Variants in KLHL26 observed in about 807,000 individuals in gnomAD.
KLHL26 encodes kelch-like protein 26.
KLHL26 carries 4 observed loss-of-function variants against 7.1 expected under a neutral mutation model. The observed-to-expected ratio is 0.56, with a 90% CI of 0.28 to 1.28. The LOEUF (loss-of-function observed/expected upper bound fraction) is 1.28, where lower values mean the gene tolerates loss of function less well. KLHL26 is among the 50% of genes most tolerant of loss of function. KLHL26 has a pLI of 0.11. For missense variants in KLHL26, 896 were observed against 924.6 expected, an observed-to-expected ratio of 0.97 and a Z score of 0.40; for synonymous variants, 465 against 414.1, an observed-to-expected ratio of 1.12 and a Z score of -1.49.
At chr19:18,643,477 C>T (rs1338847588) in intron 1 of KLHL26, among the ~76,000 whole-genome samples, 4 of 151,372 alleles carry the variant, frequency 2.6e-5, no homozygotes, top group African/African-American at 7.3e-5. Context: ...GAGATGGGGT[C>T]TTATTATTAT....
intron 1 of KLHL26, among the ~76,000 whole-genome samples, chr19:18,640,386 C>T (rs925170658): frequency 4.6e-5 from 7 of 151,798 alleles, no homozygotes; most frequent in Middle Eastern, 6.8e-3. Context: ...ACTACAAGGG[C>T]GTATGCCACC....
chr19:18,638,449 G>A (rs1400737038), intron 1 of KLHL26, among the ~76,000 whole-genome samples: 1 of 152,220 alleles, frequency 6.6e-6, no homozygotes, highest in African/African-American at 2.4e-5. Context: ...TCTGCCAGAG[G>A]GGCCATGGGG....
At chr19:18,663,614 T>C (rs1252653393) in intron 1 of KLHL26, among the ~76,000 whole-genome samples, 1 of 151,754 alleles carries the variant, frequency 6.6e-6, no homozygotes, top group African/African-American at 2.4e-5. Context: ...CCGGTGGGGG[T>C]GGGGGTCTTA....
intron 1 of KLHL26, among the ~76,000 whole-genome samples, chr19:18,653,330 C>T (rs1263911856): frequency 1.3e-5 from 2 of 151,438 alleles, no homozygotes; most frequent in East Asian, 3.9e-4. Context: ...GTTCACCCAC[C>T]CACCTGACCA....
At position 18,649,727 on chromosome 19, in the gene KLHL26, C is replaced by T. The variant is rs932535561; in HGVS notation, c.83+12590C>T. ...GCTGTGCGGACCAGCTCTCTTAACACTTGTTAACCCCAGCCTCCAGTCCCT... is the reference window on the plus strand; with the variant it reads ...GCTGTGCGGACCAGCTCTCTTAACATTTGTTAACCCCAGCCTCCAGTCCCT... On this transcript the variant is annotated intron_variant, in intron 1 of 2. Transcript: ENST00000300976. This position sits in a 1 kb window ranked among gnomAD's most constrained non-coding sequence, Gnocchi z 4.0. Among the ~76,000 whole-genome samples the T allele has an allele frequency of 2.6e-5, 4 of 152,220 alleles. No homozygotes were observed. The highest frequency in any genetic ancestry group is 9.6e-5 in the African/African-American group (4 of 41,452).
At chr19:18,640,916 A>G (rs976345467) in intron 1 of KLHL26, among the ~76,000 whole-genome samples, 7 of 152,234 alleles carry the variant, frequency 4.6e-5, no homozygotes, top group Admixed American at 4.6e-4. Flanking sequence ...AGCAATGTTC[A>G]AGAGTTCCAG....
chr19:18,662,787 A>G (rs1157992136), intron 1 of KLHL26, among the ~76,000 whole-genome samples: 1 of 151,990 alleles, frequency 6.6e-6, no homozygotes, highest in Non-Finnish European at 1.5e-5. Context: ...GGGTCTAGGG[A>G]AAAAAGAGCC....
chr19:18,658,909 C>T (rs539784115), intron 1 of KLHL26, among the ~76,000 whole-genome samples: 3 of 150,756 alleles, frequency 2.0e-5, no homozygotes, highest in African/African-American at 7.3e-5. Flanking sequence ...TGTCCCCTCT[C>T]TCTGGGTCTC....
At chr19:18,637,195 G>A (rs1976634638) in intron 1 of KLHL26, 58 bp downstream of exon 1, 3 of 1,265,078 alleles carry the variant, frequency 2.4e-6, no homozygotes, top group South Asian at 3.0e-5. Flanking sequence ...GAAACCTGTG[G>A]GCAGTCTTGG....
At chr19:18,665,704 G>A (rs955859268) in intron 2 of KLHL26, among the ~76,000 whole-genome samples, 1 of 152,230 alleles carries the variant, frequency 6.6e-6, no homozygotes, top group Non-Finnish European at 1.5e-5. Context: ...CAGGGCTGTG[G>A]GGTGGGGGGT....
intron 1 of KLHL26, among the ~76,000 whole-genome samples, chr19:18,663,998 C>G (rs2145406571): frequency 6.6e-6 from 1 of 152,260 alleles, no homozygotes; most frequent in East Asian, 1.9e-4. Context: ...AACACCACCT[C>G]TGTCTAGTTC....
In KLHL26 at chr19:18,637,108, C is replaced by T; in HGVS notation, c.54C>T (p.Gly18=). The T allele has an allele frequency of 7.3e-7, 1 of 1,373,412 alleles. No homozygotes were observed. The highest frequency in any genetic ancestry group is 9.4e-7 in the Non-Finnish European group (1 of 1,063,584). 85.1% of individuals were successfully genotyped at this position (1,373,412 alleles called of 1,614,324 possible). Residue 18 remains glycine (G), a synonymous_variant, in exon 1 of 3, where the codon GGC becomes GGT. Transcript: ENST00000300976. ...SGGAGGGGAF[G]AGPGPERPNS... Reference sequence around the variant, plus strand: ...GTGCTGGTGGCGGCGGCGCTTTCGGCGCGGGCCCGGGCCCCGAGCGCCCGA... The same window carrying T: ...GTGCTGGTGGCGGCGGCGCTTTCGGTGCGGGCCCGGGCCCCGAGCGCCCGA...
intron 1 of KLHL26, among the ~76,000 whole-genome samples, chr19:18,638,323 G>T (rs1239906548): frequency 6.6e-6 from 1 of 152,238 alleles, no homozygotes; most frequent in African/African-American, 2.4e-5. Flanking sequence ...GCATGGGATG[G>T]GTGGGGAAGG....
At chr19:18,640,488 C>T (rs1208566951) in intron 1 of KLHL26, among the ~76,000 whole-genome samples, 1 of 151,920 alleles carries the variant, frequency 6.6e-6, no homozygotes, top group Admixed American at 6.6e-5. Flanking sequence ...AGCAATCTTC[C>T]CACCTCTGCC....
rs111985032 is a variant in KLHL26, at chr19:18,667,518, T to C, written c.267-146T>C. The C allele has an allele frequency of 1.4e-5, 20 of 1,386,492 alleles. No homozygotes were observed. The African/African-American group carries it at 1.9e-4, about 13-fold the overall frequency. 85.9% of individuals were successfully genotyped at this position (1,386,492 alleles called of 1,614,324 possible). A position where few individuals can be genotyped will look rare whatever the true frequency, so the allele number is the denominator to read the frequency against. On this transcript the variant is annotated intron_variant, in intron 2 of 2. Coordinates refer to ENST00000300976, the MANE Select transcript of KLHL26 (RefSeq NM_018316.3). The stretch of plus-strand genomic sequence containing the variant: ...CGCGCCCGGCCCCTTTGCATGTTTT[T>C]AATGAGCATTCCGCCTACTTTCCTC...
chr19:18,670,562 T>G lies in KLHL26; in HGVS notation c.*1317T>G, dbSNP rs573131065. 4.9e-4 allele frequency: 75 copies of G among 152,300 alleles called. No homozygotes were observed. The highest frequency in any genetic ancestry group is 1.6e-3 in the African/African-American group (65 of 41,558). 9.4% of individuals were successfully genotyped at this position (152,300 alleles called of 1,614,324 possible). On this transcript the variant is annotated 3_prime_UTR_variant, in exon 3 of 3. Transcript: ENST00000300976. Reference sequence around the variant, plus strand: ...TGATTGGTCACAGATTCCTCGTGTGTCCTCCGCGTGTCTGGGGGCTCCTCT... The same window carrying G: ...TGATTGGTCACAGATTCCTCGTGTGGCCTCCGCGTGTCTGGGGGCTCCTCT...
chr19:18,637,947 C>T (rs912341468), intron 1 of KLHL26, among the ~76,000 whole-genome samples: 10 of 152,146 alleles, frequency 6.6e-5, no homozygotes, highest in Non-Finnish European at 1.3e-4. Flanking sequence ...ATTGCTTGAA[C>T]GTCCAGGTTT....
chr19:18,668,160 C>G lies in KLHL26; in HGVS notation c.763C>G (p.Leu255Val), dbSNP rs1187207235. ...SHVLCHIRFP[L>V]MQSSELVDSV... ...CGTGCTCTGCCACATTCGCTTCCCG[C>G]TCATGCAGTCGTCCGAGCTGGTGGA... The change falls in exon 3 of 3, where the codon CTC (leucine) becomes GTC (valine). Residue 255 changes from leucine (L) to valine (V), a missense_variant. Coordinates refer to ENST00000300976, the MANE Select transcript of KLHL26 (RefSeq NM_018316.3). 5.6e-6 allele frequency: 9 copies of G among 1,608,858 alleles called. No individual in the cohort carries two copies. The highest frequency in any genetic ancestry group is 7.6e-6 in the Non-Finnish European group (9 of 1,179,610).
At position 18,669,122 on chromosome 19, in the gene KLHL26, G is replaced by A. The variant is rs2052496589; in HGVS notation, c.1725G>A (p.Thr575=). 1.9e-6 allele frequency: 3 copies of A among 1,612,796 alleles called. No homozygotes were observed. The highest frequency in any genetic ancestry group is 2.2e-5 in the South Asian group (2 of 91,094). ...GGYNWRLNNV[T]GIVQVYNTDT... is the part of the protein sequence containing the mutation. ...ACAACTGGCGTCTCAACAACGTCAC[G>A]GGCATCGTACAGGTGTACAACACGG... Residue 575 remains threonine, a synonymous_variant, in exon 3 of 3, where the codon ACG becomes ACA. Transcript: ENST00000300976.
Sources: gnomAD v4.1 joint callset for allele counts (sites outside exome capture counted in the v4.1 genomes callset) on GRCh38, gnomAD v4.1.1 for gene constraint, Gnocchi (gnomAD v3.1) non-coding constraint, MANE v1.5 for transcripts, NCBI Gene and HGNC (gene_info 2026-07-23, HGNC 2026-07-21) for gene names.